Variants in HTR2A observed in about 807,000 individuals in gnomAD.
HTR2A encodes 5-HT2 receptor.
Under a neutral mutation model 31.0 loss-of-function variants are expected in HTR2A, and 14 were observed. That is an observed-to-expected ratio of 0.45 (90% CI 0.30 to 0.71). HTR2A has a LOEUF of 0.71. Ranked by LOEUF, HTR2A falls within the 30% of genes least tolerant of loss-of-function variation. The probability of loss-of-function intolerance (pLI) is 0.09; values close to 1 mark genes in which losing one functional copy is unlikely to be tolerated. For missense variants in HTR2A, 442 were observed against 573.3 expected, an observed-to-expected ratio of 0.77 and a Z score of 2.34; for synonymous variants, 209 against 225.2, an observed-to-expected ratio of 0.93 and a Z score of 0.64.
intron 3 of HTR2A, chr13:46,856,171 T>C (rs1212790980): frequency 6.6e-6 from 1 of 152,210 alleles, no homozygotes; most frequent in African/African-American, 2.4e-5. Flanking sequence ...CTATCTTTTG[T>C]AAGAGTACAC....
At position 46,895,907 on chromosome 13, in the gene HTR2A, G is replaced by A. The variant is rs1167444132; in HGVS notation, c.-1C>T. 6 of 1,603,874 alleles carry A rather than the reference G, an allele frequency of 3.7e-6. No homozygotes were observed. The South Asian group carries it at 6.7e-5, about 18-fold the overall frequency. ...TATTTTCTTCACAAAGAATATCCATGTCTAAGCCAGAACTTGTAGCAGATG... is the reference window on the plus strand; with the variant it reads ...TATTTTCTTCACAAAGAATATCCATATCTAAGCCAGAACTTGTAGCAGATG... On this transcript the variant is annotated 5_prime_UTR_variant, in exon 2 of 4. Coordinates refer to ENST00000542664, the MANE Select transcript of HTR2A (RefSeq NM_000621.5). This position sits in a 1 kb window ranked among gnomAD's most constrained non-coding sequence, Gnocchi z 4.4.
In HTR2A at chr13:46,831,916, C is replaced by T. The variant is rs1166145014; in HGVS notation, c.*2921G>A. 2 of 152,120 alleles carry T rather than the reference C, an allele frequency of 1.3e-5. No homozygotes were observed. The highest frequency in any genetic ancestry group is 2.1e-4 in the South Asian group (1 of 4,822). 9.4% of individuals were successfully genotyped at this position (152,120 alleles called of 1,614,324 possible). ...TAAAGTAGAGCAAGGTTTGTTACTC[C>T]GTTTTAATAGTATTCATTAAAAGTG... On this transcript the variant is annotated 3_prime_UTR_variant, in exon 4 of 4. Transcript: ENST00000542664.
intron 2 of HTR2A, among the ~76,000 whole-genome samples, 157 bp from the exon 3 acceptor site, chr13:46,892,747 T>C (rs1951064185): frequency 6.6e-6 from 1 of 152,250 alleles, no homozygotes; most frequent in African/African-American, 2.4e-5. Flanking sequence ...CACTGGCAAC[T>C]GTACTTAACT....
chr13:46,866,212 G>A (rs1227168395), intron 3 of HTR2A, among the ~76,000 whole-genome samples: 1 of 152,150 alleles, frequency 6.6e-6, no homozygotes, highest in Non-Finnish European at 1.5e-5. Flanking sequence ...CAATGCATCT[G>A]TGCTATTAGC....
chr13:46,893,141 A>G (rs1951068337), intron 2 of HTR2A, among the ~76,000 whole-genome samples: 4 of 152,262 alleles, frequency 2.6e-5, no homozygotes, highest in African/African-American at 7.2e-5. Flanking sequence ...AAAATGAAAA[A>G]TAATGATCTA....
intron 3 of HTR2A, among the ~76,000 whole-genome samples, chr13:46,889,999 C>CT (rs1372318630): frequency 1.3e-5 from 2 of 152,170 alleles, no homozygotes; most frequent in African/African-American, 2.4e-5. Context: ...GAATGCATAT[C>CT]TTTTTCATCT....
At chr13:46,881,144 G>A (rs79089222) in intron 3 of HTR2A, among the ~76,000 whole-genome samples, 5,968 of 152,250 alleles carry the variant, frequency 0.039, 157 homozygotes, top group South Asian at 0.092. Context: ...ACCGTATTGT[G>A]CTTCTAAGTA....
At chr13:46,837,009 G>C (rs1416187203) in intron 3 of HTR2A, among the ~76,000 whole-genome samples, 1 of 152,160 alleles carries the variant, frequency 6.6e-6, no homozygotes, top group African/African-American at 2.4e-5. Flanking sequence ...AGTAGGTATA[G>C]GATGAGATAA....
intron 3 of HTR2A, chr13:46,853,971 T>C (rs2138203666): frequency 6.6e-6 from 1 of 152,320 alleles, no homozygotes; most frequent in African/African-American, 2.4e-5. Context: ...TTCCAGTTAG[T>C]CTACTTTTGT....
At chr13:46,880,049 A>G (rs1222970731) in intron 3 of HTR2A, among the ~76,000 whole-genome samples, 1 of 152,160 alleles carries the variant, frequency 6.6e-6, no homozygotes, top group Non-Finnish European at 1.5e-5. Flanking sequence ...ACTGATAGCA[A>G]TGAACAAGAG....
At chr13:46,866,107 T>G (rs905322951) in intron 3 of HTR2A, among the ~76,000 whole-genome samples, 7 of 152,344 alleles carry the variant, frequency 4.6e-5, no homozygotes, top group Middle Eastern at 3.4e-3. Context: ...AATTGTTTTG[T>G]AGATTAAAAT....
chr13:46,854,583 A>G (rs916975381), intron 3 of HTR2A, among the ~76,000 whole-genome samples: 4 of 152,208 alleles, frequency 2.6e-5, no homozygotes, highest in African/African-American at 9.7e-5. Flanking sequence ...CTTTGAGCCT[A>G]TATCAGAACA....
At chr13:46,845,333 G>A (rs1327664833) in intron 3 of HTR2A, among the ~76,000 whole-genome samples, 2 of 152,146 alleles carry the variant, frequency 1.3e-5, no homozygotes, top group African/African-American at 4.8e-5. Flanking sequence ...GATGAGGCAA[G>A]GAGACAGGAG....
In HTR2A at chr13:46,834,830, T is replaced by C; in HGVS notation, c.*7A>G. On this transcript the variant is annotated 3_prime_UTR_variant, in exon 4 of 4. Transcript: ENST00000542664. Reference sequence around the variant, plus strand: ...TGCCTTCCACAGTTGCCACGGCAACTAGCCTATCACACACAGCTCACCTTT... The same window carrying C: ...TGCCTTCCACAGTTGCCACGGCAACCAGCCTATCACACACAGCTCACCTTT... The C allele has an allele frequency of 6.3e-7, 1 of 1,592,298 alleles. No homozygotes were observed. The highest frequency in any genetic ancestry group is 8.6e-7 in the Non-Finnish European group (1 of 1,167,724).
intron 3 of HTR2A, among the ~76,000 whole-genome samples, chr13:46,873,436 ATTAT>A: frequency 1.6e-5 from 1 of 64,098 alleles, no homozygotes; most frequent in Non-Finnish European, 4.3e-5. Flanking sequence ...ATTTATTATT[ATTAT>A]TATTATTATT....
intron 3 of HTR2A, among the ~76,000 whole-genome samples, chr13:46,839,305 G>A (rs1950581997): frequency 6.6e-6 from 1 of 152,088 alleles, no homozygotes; most frequent in Non-Finnish European, 1.5e-5. Flanking sequence ...AAGGGTTGTA[G>A]AAAGAATAAC....
intron 3 of HTR2A, among the ~76,000 whole-genome samples, chr13:46,845,881 G>T (rs1034020591): frequency 6.6e-6 from 1 of 152,138 alleles, no homozygotes; most frequent in Non-Finnish European, 1.5e-5. Context: ...ATCAGACTGC[G>T]CACACAACAG....
At chr13:46,872,828 C>G (rs17360184) in intron 3 of HTR2A, among the ~76,000 whole-genome samples, 6,577 of 152,218 alleles carry the variant, frequency 0.043, 235 homozygotes, top group Non-Finnish European at 0.069. Flanking sequence ...TTTTGGACTT[C>G]CCATTAGTTC....
At chr13:46,888,587 C>G (rs778710304) in intron 3 of HTR2A, among the ~76,000 whole-genome samples, 8 of 151,906 alleles carry the variant, frequency 5.3e-5, no homozygotes, top group Non-Finnish European at 1.0e-4. Context: ...ACATGATATT[C>G]TAGAGGAAAT....
Sources: allele counts gnomAD v4.1 joint callset (sites outside exome capture counted in the v4.1 genomes callset), GRCh38; gene constraint gnomAD v4.1.1; non-coding constraint Gnocchi (gnomAD v3.1); transcripts MANE v1.5; gene names NCBI Gene and HGNC (gene_info 2026-07-23, HGNC 2026-07-21).